The following EIPR1 variants were observed in gnomAD, a reference collection of about 807,000 sequenced individuals.
The protein encoded by EIPR1 is EARP and GARP complex-interacting protein 1.
EIPR1 carries 25 observed loss-of-function variants against 48.1 expected under a neutral mutation model. The observed-to-expected ratio is 0.52, with a 90% confidence interval of 0.38 to 0.73. EIPR1 has a LOEUF of 0.73. Among genes scored for constraint, EIPR1 ranks in the 30% least tolerant of loss-of-function variants. EIPR1 has a pLI of 0.00. For synonymous variants in EIPR1, 204 were observed against 201.9 expected, an observed-to-expected ratio of 1.01 and a Z score of -0.09; for missense variants, 415 against 506.2, an observed-to-expected ratio of 0.82 and a Z score of 1.73.
chr2:3,222,828 G>A (rs903856726), intron 4 of EIPR1, among the ~76,000 whole-genome samples: 1 of 152,192 alleles, frequency 6.6e-6, no homozygotes, highest in Non-Finnish European at 1.5e-5. Context: ...CTTGCTAGGA[G>A]TCTAGGAAAC....
At chr2:3,206,051 C>T (rs1442724914) in intron 5 of EIPR1, among the ~76,000 whole-genome samples, 4 of 152,104 alleles carry the variant, frequency 2.6e-5, no homozygotes, top group African/African-American at 4.8e-5. Flanking sequence ...CTGATGGAGG[C>T]GATGGAAATG....
intron 4 of EIPR1, among the ~76,000 whole-genome samples, chr2:3,230,467 T>A (rs1666207469): frequency 6.6e-6 from 1 of 152,232 alleles, no homozygotes; most frequent in Non-Finnish European, 1.5e-5. Flanking sequence ...GCATTTTGAC[T>A]ATAATCCACC....
At position 3,377,811 on chromosome 2, in the gene EIPR1, T is replaced by A. The variant is rs1659961161; in HGVS notation, c.-122A>T. On this transcript the variant is annotated 5_prime_UTR_variant, in exon 1 of 9. Coordinates refer to ENST00000382125, the MANE Select transcript of EIPR1 (RefSeq NM_003310.5). ...TCATTCCCTCCCCGCAGCAAACGACTCCAAACTGGAAGTCTTTCTGGCCCA... is the reference window on the plus strand; with the variant it reads ...TCATTCCCTCCCCGCAGCAAACGACACCAAACTGGAAGTCTTTCTGGCCCA... 1 of 1,177,146 alleles carries A rather than the reference T, an allele frequency of 8.5e-7. No individual in the cohort carries two copies. Among genetic ancestry groups the A allele is most frequent in the Admixed American group, 2.3e-5 (1 of 43,504 alleles). 72.9% of individuals were successfully genotyped at this position (1,177,146 alleles called of 1,614,324 possible). A position where few individuals can be genotyped will look rare whatever the true frequency, so the allele number is the denominator to read the frequency against.
intron 1 of EIPR1, among the ~76,000 whole-genome samples, chr2:3,369,265 C>T (rs571562010): frequency 2.0e-5 from 3 of 152,146 alleles, no homozygotes; most frequent in Admixed American, 1.3e-4. Context: ...CCAAGATGGC[C>T]GACTAGGAAC....
At chr2:3,288,002 C>T (rs35445537) in intron 3 of EIPR1, among the ~76,000 whole-genome samples, 51,261 of 152,084 alleles carry the variant, frequency 0.34, 8,792 homozygotes, top group African/African-American at 0.35. Flanking sequence ...GAGAGCTCCT[C>T]GTGGCCCCTC....
intron 5 of EIPR1, among the ~76,000 whole-genome samples, chr2:3,199,217 G>T (rs933548465): frequency 1.3e-5 from 2 of 152,044 alleles, no homozygotes; most frequent in African/African-American, 4.8e-5. Context: ...CAGACTTTAC[G>T]ATTGTCCCTT....
chr2:3,353,137 T>A (rs915199233), intron 2 of EIPR1: 1 of 425,026 alleles, frequency 2.4e-6, no homozygotes, highest in African/African-American at 2.1e-5. Context: ...TGTGCCTAAC[T>A]TATACCTTAA....
intron 4 of EIPR1, among the ~76,000 whole-genome samples, chr2:3,222,504 G>A (rs1665928016): frequency 7.0e-6 from 1 of 142,226 alleles, no homozygotes; most frequent in Admixed American, 7.5e-5. Flanking sequence ...AAAGACTACA[G>A]GAGGTAATAT....
At chr2:3,298,712 C>A (rs1205584834) in intron 3 of EIPR1, among the ~76,000 whole-genome samples, 1 of 152,014 alleles carries the variant, frequency 6.6e-6, no homozygotes, top group Non-Finnish European at 1.5e-5. Context: ...TTGACAGCAG[C>A]CAAAGAGGGG....
intron 4 of EIPR1, among the ~76,000 whole-genome samples, chr2:3,246,760 G>C (rs1666809669): frequency 6.9e-6 from 1 of 145,734 alleles, no homozygotes; most frequent in African/African-American, 2.5e-5. Flanking sequence ...AGGAAGAGAG[G>C]GAGGAAGGGA....
chr2:3,214,126 G>T, intron 5 of EIPR1, 23 bp downstream of exon 5: 1 of 1,598,844 alleles, frequency 6.3e-7, no homozygotes, highest in South Asian at 1.1e-5. Context: ...AGAAACAAAC[G>T]CTGTGTTGTT....
intron 5 of EIPR1, among the ~76,000 whole-genome samples, chr2:3,210,150 C>T (rs1398695194): frequency 6.6e-6 from 1 of 150,992 alleles, no homozygotes; most frequent in African/African-American, 2.4e-5. Flanking sequence ...TCAATTTTGC[C>T]GTGAACTTAA....
intron 4 of EIPR1, among the ~76,000 whole-genome samples, chr2:3,256,030 T>C (rs1010135830): frequency 1.3e-5 from 2 of 152,218 alleles, no homozygotes; most frequent in African/African-American, 4.8e-5. Context: ...GGACTCTTCA[T>C]CTGCCTCCCC....
chr2:3,218,365 C>T (rs950148237), intron 4 of EIPR1, among the ~76,000 whole-genome samples: 2 of 150,330 alleles, frequency 1.3e-5, no homozygotes, highest in African/African-American at 4.9e-5. Context: ...AGAGCTTTCA[C>T]AGTGAGTCAG....
At chr2:3,293,490 C>T (rs1028229487) in intron 3 of EIPR1, among the ~76,000 whole-genome samples, 10 of 152,196 alleles carry the variant, frequency 6.6e-5, no homozygotes, top group Admixed American at 6.5e-4. Context: ...AGGGTCCTGG[C>T]ACCCAGACAG....
At chr2:3,362,928 C>T (rs1242161998) in intron 1 of EIPR1, among the ~76,000 whole-genome samples, 1 of 152,176 alleles carries the variant, frequency 6.6e-6, no homozygotes, top group African/African-American at 2.4e-5. Flanking sequence ...ACTTCCCATA[C>T]ACATGGTAGG....
intron 2 of EIPR1, among the ~76,000 whole-genome samples, chr2:3,342,613 T>C (rs1455305221): frequency 6.6e-6 from 1 of 152,242 alleles, no homozygotes; most frequent in Admixed American, 6.5e-5. Flanking sequence ...CCCATAAAGC[T>C]GTTTTCCTTC....
At chr2:3,215,069 C>T (rs949645828) in intron 4 of EIPR1, among the ~76,000 whole-genome samples, 42 of 152,226 alleles carry the variant, frequency 2.8e-4, no homozygotes, top group African/African-American at 9.9e-4. Flanking sequence ...CTTCCCGCCC[C>T]AGGAACACAT....
At chr2:3,194,701 G>C (rs9309703) in intron 6 of EIPR1, among the ~76,000 whole-genome samples, 7 of 151,852 alleles carry the variant, frequency 4.6e-5, no homozygotes, top group Middle Eastern at 3.2e-3. Context: ...GAGAAAGGGG[G>C]GGGCAGTGGG....
Sources: allele counts gnomAD v4.1 joint callset (sites outside exome capture counted in the v4.1 genomes callset), GRCh38; gene constraint gnomAD v4.1.1; transcripts MANE v1.5; gene names NCBI Gene and HGNC (gene_info 2026-07-23, HGNC 2026-07-21).